CNOT4: variants seen among roughly 807,000 people sequenced by gnomAD.
The protein encoded by CNOT4 is CCR4-NOT transcription complex subunit 4, also known as CCR4-associated factor 4.
In CNOT4, 8 loss-of-function variants were observed where a neutral mutation model predicts 73.8. The observed-to-expected ratio is 0.11, with a 90% CI of 0.06 to 0.20. The LOEUF (loss-of-function observed/expected upper bound fraction) is 0.20. Among genes scored for constraint, CNOT4 ranks in the 10% least tolerant of loss-of-function variants. CNOT4 has a pLI of 1.00. For synonymous variants in CNOT4, 293 were observed against 321.1 expected (o/e 0.91, Z 0.94); for missense variants, 564 against 883.4 (o/e 0.64, Z 4.58).
intron 2 of CNOT4, among the ~76,000 whole-genome samples, chr7:135,429,531 C>T (rs1215080130): frequency 6.6e-6 from 1 of 152,164 alleles, no homozygotes; most frequent in African/African-American, 2.4e-5. Context: ...TCACATTATG[C>T]AACTTGAAGA....
chr7:135,428,019 C>T (rs889550859), intron 2 of CNOT4, among the ~76,000 whole-genome samples: 2 of 152,080 alleles, frequency 1.3e-5, no homozygotes, highest in Non-Finnish European at 2.9e-5. Context: ...GAACAAATTA[C>T]AAACCAGAGG....
intron 10 of CNOT4, among the ~76,000 whole-genome samples, chr7:135,390,378 A>C (rs1796337814): frequency 6.6e-6 from 1 of 152,162 alleles, no homozygotes; most frequent in Non-Finnish European, 1.5e-5. Context: ...GGAATTGGAC[A>C]AAACAAAGTC....
intron 10 of CNOT4, among the ~76,000 whole-genome samples, chr7:135,379,806 T>C (rs183766868): frequency 2.4e-4 from 37 of 152,240 alleles, no homozygotes; most frequent in East Asian, 1.9e-3. Flanking sequence ...AAAATAAAAA[T>C]ATACAGTTGT....
At chr7:135,434,104 T>TACAG (rs1284400950) in intron 2 of CNOT4, among the ~76,000 whole-genome samples, 1 of 152,166 alleles carries the variant, frequency 6.6e-6, no homozygotes, top group Admixed American at 6.5e-5. Flanking sequence ...ATCATCTCAA[T>TACAG]ATGCCACCTC....
At chr7:135,430,631 C>CA (rs954856895) in intron 2 of CNOT4, among the ~76,000 whole-genome samples, 23 of 151,718 alleles carry the variant, frequency 1.5e-4, no homozygotes, top group African/African-American at 5.1e-4. Context: ...GGCGAGAGAC[C>CA]AAGACCCTAT....
chr7:135,398,551 A>G (rs1231593146), intron 7 of CNOT4, among the ~76,000 whole-genome samples: 2 of 152,036 alleles, frequency 1.3e-5, no homozygotes, highest in Admixed American at 1.3e-4. Context: ...AGTATAATGC[A>G]AGTATCCCAA....
chr7:135,450,191 T>A (rs891854126), intron 1 of CNOT4, among the ~76,000 whole-genome samples: 2 of 151,864 alleles, frequency 1.3e-5, no homozygotes, highest in African/African-American at 4.8e-5. Flanking sequence ...AAAAGAGAAA[T>A]GAGGCTAAAT....
intron 10 of CNOT4, among the ~76,000 whole-genome samples, chr7:135,379,088 A>G (rs1795691786): frequency 6.6e-6 from 1 of 152,164 alleles, no homozygotes; most frequent in African/African-American, 2.4e-5. Flanking sequence ...AGATTTAGTC[A>G]TGACTTCCCT....
At chr7:135,396,033 C>A in intron 8 of CNOT4, 150 bp from the exon 9 acceptor site, 2 of 529,240 alleles carry the variant, frequency 3.8e-6, no homozygotes, top group South Asian at 2.3e-5. Context: ...TTCAGAAAAT[C>A]AATTAAATCA....
At chr7:135,389,285 G>A (rs1476734834) in intron 10 of CNOT4, among the ~76,000 whole-genome samples, 4 of 151,034 alleles carry the variant, frequency 2.6e-5, no homozygotes, top group African/African-American at 9.7e-5. Flanking sequence ...TTGATTTACA[G>A]AAGTGAAAAC....
At chr7:135,460,665 T>G (rs952962705) in intron 1 of CNOT4, among the ~76,000 whole-genome samples, 3 of 152,268 alleles carry the variant, frequency 2.0e-5, no homozygotes, top group Admixed American at 2.0e-4. Flanking sequence ...TGAAATATTG[T>G]GAGAATTACC....
intron 2 of CNOT4, among the ~76,000 whole-genome samples, chr7:135,424,521 A>G (rs988081633): frequency 1.2e-4 from 18 of 152,158 alleles, no homozygotes; most frequent in Non-Finnish European, 7.4e-5. Context: ...GCGGTGGCTC[A>G]CGCCTGTAAT....
chr7:135,468,822 T>G (rs1215868175), intron 1 of CNOT4, among the ~76,000 whole-genome samples: 1 of 152,194 alleles, frequency 6.6e-6, no homozygotes, highest in Non-Finnish European at 1.5e-5. Context: ...ATTCAAACCC[T>G]TATGCCTTAC....
chr7:135,391,141 T>C (rs1056345114), intron 10 of CNOT4, among the ~76,000 whole-genome samples: 2 of 152,132 alleles, frequency 1.3e-5, no homozygotes, highest in Non-Finnish European at 2.9e-5. Context: ...TTAAGATGTA[T>C]ATATAGTTTT....
chr7:135,387,094 A>C lies in CNOT4; in HGVS notation c.1627+6824T>G. On this transcript the variant is annotated intron_variant, in intron 10 of 11. Transcript: ENST00000541284. The stretch of plus-strand genomic sequence containing the variant: ...CATAAGTGAAGTCTTGGCCTCTTAC[A>C]GTAAAAATGAAAACCATAATTAAAT... 3 of 984,502 alleles carry C rather than the reference A, an allele frequency of 3.0e-6. No individual in the cohort carries two copies. The South Asian group carries it at 1.4e-4, about 46-fold the overall frequency. 61.0% of individuals were successfully genotyped at this position (984,502 alleles called of 1,614,324 possible). A position where few individuals can be genotyped will look rare whatever the true frequency, so the allele number is the denominator to read the frequency against.
intron 10 of CNOT4, among the ~76,000 whole-genome samples, chr7:135,369,582 T>C (rs1795086378): frequency 6.6e-6 from 1 of 152,240 alleles, no homozygotes; most frequent in African/African-American, 2.4e-5. Flanking sequence ...AACCACAGGC[T>C]CCAGTGGTTA....
Position 135,438,317 on chromosome 7 carries a change from A to G in CNOT4, c.15T>C (p.Pro5=), listed in dbSNP as rs757330291. Residue 5 remains proline (P), a synonymous_variant, in exon 2 of 12, where the codon CCT becomes CCC. Coordinates refer to ENST00000541284, the MANE Select transcript of CNOT4 (RefSeq NM_001190850.2). MSRS[P]DAKEDPVECP... ...ACTCCACAGGGTCTTCCTTCGCATC[A>G]GGACTGCGAGACATCTTCACGTTTA... is the stretch of plus-strand genomic sequence containing the variant. 1 of 1,605,272 alleles carries G rather than the reference A, an allele frequency of 6.2e-7. No individual in the cohort carries two copies. Among genetic ancestry groups the G allele is most frequent in the Non-Finnish European group, 8.5e-7 (1 of 1,176,756 alleles).
At chr7:135,492,758 C>A (rs1466924993) in intron 1 of CNOT4, among the ~76,000 whole-genome samples, 4 of 152,020 alleles carry the variant, frequency 2.6e-5, no homozygotes, top group Admixed American at 2.6e-4. Flanking sequence ...ACAGCAAGAC[C>A]CCATCTTTAC....
chr7:135,363,957 GGAA>G lies in CNOT4; in HGVS notation c.1734_1736del (p.Ser579del), dbSNP rs751022384. On this transcript the variant is annotated inframe_deletion, in exon 11 of 12. Transcript: ENST00000541284. This position sits in a 1 kb window ranked among gnomAD's most constrained non-coding sequence, Gnocchi z 4.3. The stretch of plus-strand genomic sequence containing the variant: ...GTGCACTGTGGTTGGCGTTGGAGGG[GGAA>G]GAAGAATTGGGCAGTCCACCAAAGT... The G allele has an allele frequency of 2.8e-5, 45 of 1,598,264 alleles. No homozygotes were observed. Among genetic ancestry groups the G allele is most frequent in the African/African-American group, 6.7e-5 (5 of 74,782 alleles).
Sources: allele counts gnomAD v4.1 joint callset (sites outside exome capture counted in the v4.1 genomes callset), GRCh38; gene constraint gnomAD v4.1.1; non-coding constraint Gnocchi (gnomAD v3.1); transcripts MANE v1.5; gene names NCBI Gene and HGNC (gene_info 2026-07-23, HGNC 2026-07-21).